Variants in SLC23A2 observed in about 807,000 individuals in gnomAD.
SLC23A2 encodes the protein solute carrier family 23 member 2.
SLC23A2 carries 36 observed loss-of-function variants against 73.3 expected under a neutral mutation model. The observed-to-expected ratio is 0.49, with a 90% CI of 0.38 to 0.65. The LOEUF is 0.65. Among genes scored for constraint, SLC23A2 ranks in the 30% least tolerant of loss-of-function variants. SLC23A2 has a pLI of 0.00. For synonymous variants in SLC23A2, 343 were observed against 327.3 expected (o/e 1.05, Z -0.52); for missense variants, 507 against 841.6 (o/e 0.60, Z 4.92).
intron 1 of SLC23A2, among the ~76,000 whole-genome samples, chr20:4,982,880 CAG>C (rs2122275920): frequency 6.6e-6 from 1 of 152,110 alleles, no homozygotes; most frequent in East Asian, 1.9e-4. Flanking sequence ...CCGAGGCAGG[CAG>C]ATCACCTGAG....
chr20:4,869,514 T>C, intron 12 of SLC23A2: 1 of 161,948 alleles, frequency 6.2e-6, no homozygotes, highest in East Asian at 1.7e-4. Flanking sequence ...AGAGCTACTT[T>C]GATTTTATCT....
rs150557212 is a variant in SLC23A2, at chr20:4,889,841, T to A, written c.483-3932A>T. Reference sequence around the variant, plus strand: ...GCTATTTATATTCTCAGAAAGGACTTCTATTAAACTAAAAATAAGAGGTTA... The same window carrying A: ...GCTATTTATATTCTCAGAAAGGACTACTATTAAACTAAAAATAAGAGGTTA... On this transcript the variant is annotated intron_variant, in intron 6 of 16. Coordinates refer to ENST00000338244, the MANE Select transcript of SLC23A2 (RefSeq NM_005116.6). 2.2e-3 allele frequency among the ~76,000 whole-genome samples: 334 copies of A among 152,258 alleles called. 1 individual carries two copies. Among genetic ancestry groups the A allele is most frequent in the African/African-American group, 6.0e-3 (251 of 41,550 alleles).
Position 4,899,796 on chromosome 20 carries a change from T to A in SLC23A2, c.325-84A>T. The A allele has an allele frequency of 6.4e-6, 9 of 1,410,224 alleles. No homozygotes were observed. The highest frequency in any genetic ancestry group is 6.8e-6 in the Non-Finnish European group (7 of 1,023,406). The allele number at this position is 1,410,224 out of a possible 1,614,324, so 87.4% of individuals were successfully genotyped here. A position where few individuals can be genotyped will look rare whatever the true frequency, so the allele number is the denominator to read the frequency against. On this transcript the variant is annotated intron_variant, in intron 5 of 16. Coordinates refer to ENST00000338244, the MANE Select transcript of SLC23A2 (RefSeq NM_005116.6). The surrounding 1 kb of genome is among the most constrained non-coding windows in gnomAD (Gnocchi z 4.9). Reference sequence around the variant, plus strand: ...TTTCATCCTAATTCTTCTCTCTTATTGTCGTTAAAAAATAGCCCACATAAA... The same window carrying A: ...TTTCATCCTAATTCTTCTCTCTTATAGTCGTTAAAAAATAGCCCACATAAA...
At chr20:4,933,747 G>GT (rs1932814775) in intron 2 of SLC23A2, among the ~76,000 whole-genome samples, 1 of 152,150 alleles carries the variant, frequency 6.6e-6, no homozygotes, top group African/African-American at 2.4e-5. Context: ...ATGCAAACAG[G>GT]TAAGGGTGGG....
intron 1 of SLC23A2, among the ~76,000 whole-genome samples, chr20:4,983,418 G>A (rs143086714): frequency 0.049 from 7,504 of 152,034 alleles, 515 homozygotes; most frequent in African/African-American, 0.15. Flanking sequence ...AGGCCAAGGC[G>A]GGCAGATCAC....
chr20:4,852,987 T>C lies in SLC23A2; in HGVS notation c.*3985A>G, dbSNP rs750663796. 2.0e-5 allele frequency: 3 copies of C among 152,594 alleles called. No homozygotes were observed. Among genetic ancestry groups the C allele is most frequent in the Non-Finnish European group, 2.9e-5 (2 of 68,146 alleles). The allele number at this position is 152,594 out of a possible 1,614,324, so 9.5% of individuals were successfully genotyped here. On this transcript the variant is annotated 3_prime_UTR_variant, in exon 17 of 17. Transcript: ENST00000338244. The surrounding 1 kb of genome is among the most constrained non-coding windows in gnomAD (Gnocchi z 4.3). Reference sequence around the variant, plus strand: ...CAAAACCGGGTGGCCGTTCTTGCACTACTCGGGTTCTGACTGCAGGAGGGG... The same window carrying C: ...CAAAACCGGGTGGCCGTTCTTGCACCACTCGGGTTCTGACTGCAGGAGGGG...
chr20:4,905,704 C>A (rs185694794), intron 4 of SLC23A2, among the ~76,000 whole-genome samples: 1 of 152,302 alleles, frequency 6.6e-6, no homozygotes, highest in African/African-American at 2.4e-5. Flanking sequence ...ATTGTAGTCT[C>A]TTTCTCTAGG....
intron 3 of SLC23A2, among the ~76,000 whole-genome samples, chr20:4,920,595 C>A (rs1446570366): frequency 6.6e-6 from 1 of 152,168 alleles, no homozygotes; most frequent in African/African-American, 2.4e-5. Flanking sequence ...TGTATCTATA[C>A]CATGGATCAC....
intron 2 of SLC23A2, among the ~76,000 whole-genome samples, chr20:4,934,423 A>T (rs1030306210): frequency 6.6e-6 from 1 of 152,152 alleles, no homozygotes; most frequent in Non-Finnish European, 1.5e-5. Context: ...CCTCCTCCCA[A>T]GGATGGCATC....
At chr20:4,859,515 G>C (rs1418866357) in intron 15 of SLC23A2, 131 bp from the exon 16 acceptor site, 1 of 691,596 alleles carries the variant, frequency 1.4e-6, no homozygotes, top group African/African-American at 1.8e-5. Context: ...ACATTTCTTA[G>C]TTGTGCACAT....
At chr20:4,923,291 G>A (rs1304490497) in intron 3 of SLC23A2, among the ~76,000 whole-genome samples, 1 of 150,798 alleles carries the variant, frequency 6.6e-6, no homozygotes, top group African/African-American at 2.5e-5. Flanking sequence ...GATGGATAAG[G>A]AAAAGAACAT....
chr20:4,989,147 G>C (rs1033405114), intron 1 of SLC23A2, among the ~76,000 whole-genome samples: 1 of 151,306 alleles, frequency 6.6e-6, no homozygotes, highest in African/African-American at 2.4e-5. Context: ...GCTGAGGCAG[G>C]AGAATCACTT....
At chr20:4,865,206 A>G (rs1389171945) in intron 13 of SLC23A2, among the ~76,000 whole-genome samples, 1 of 152,228 alleles carries the variant, frequency 6.6e-6, no homozygotes, top group Non-Finnish European at 1.5e-5. Context: ...CTGGATTTAC[A>G]AAGTCTTCAA....
chr20:4,976,059 T>C (rs1296156884), intron 1 of SLC23A2, among the ~76,000 whole-genome samples: 1 of 151,416 alleles, frequency 6.6e-6, no homozygotes, highest in Non-Finnish European at 1.5e-5. Context: ...TTCACCGTAT[T>C]AGCCAGGATG....
chr20:4,927,923 C>T (rs1715370), intron 3 of SLC23A2, among the ~76,000 whole-genome samples: 11,992 of 152,202 alleles, frequency 0.079, 537 homozygotes, highest in Middle Eastern at 0.13. Context: ...ACTTAGTCCC[C>T]TCACTTTTTC....
At chr20:4,999,319 A>T (rs574412339) in intron 1 of SLC23A2, among the ~76,000 whole-genome samples, 1 of 152,246 alleles carries the variant, frequency 6.6e-6, no homozygotes, top group East Asian at 1.9e-4. Flanking sequence ...CGATCTGTTC[A>T]ACAGAACCTG....
chr20:4,925,712 C>A (rs1014239917), intron 3 of SLC23A2, among the ~76,000 whole-genome samples: 1 of 152,210 alleles, frequency 6.6e-6, no homozygotes, highest in African/African-American at 2.4e-5. Context: ...CTCATCTCCA[C>A]CTCCACTGTA....
chr20:4,868,148 T>C lies in SLC23A2; in HGVS notation c.1251-273A>G, dbSNP rs1022744050. On this transcript the variant is annotated intron_variant, in intron 12 of 16. Transcript: ENST00000338244. This position sits in a 1 kb window ranked among gnomAD's most constrained non-coding sequence, Gnocchi z 4.4. ...AGGCTGGAATGCAGTGACGCGATCT[T>C]GGCTCACTGCAACCTCCACCTCCTG... 6.7e-6 allele frequency among the ~76,000 whole-genome samples: 1 copy of C among 148,810 alleles called. No homozygotes were observed. Among genetic ancestry groups the C allele is most frequent in the Non-Finnish European group, 1.5e-5 (1 of 67,588 alleles).
At chr20:4,991,508 G>T (rs139611437) in intron 1 of SLC23A2, among the ~76,000 whole-genome samples, 1,656 of 152,162 alleles carry the variant, frequency 0.011, 35 homozygotes, top group African/African-American at 0.037. Flanking sequence ...TGGATCACAA[G>T]GTCAGCAGTT....
Sources: gnomAD v4.1 joint callset for allele counts (sites outside exome capture counted in the v4.1 genomes callset) on GRCh38, gnomAD v4.1.1 for gene constraint, Gnocchi (gnomAD v3.1) non-coding constraint, MANE v1.5 for transcripts, NCBI Gene and HGNC (gene_info 2026-07-23, HGNC 2026-07-21) for gene names.